The following CACNA1C variants were observed in gnomAD, a reference collection of about 807,000 sequenced individuals.
The protein encoded by CACNA1C is calcium voltage-gated channel subunit alpha1 C.
Under a neutral mutation model 229.0 loss-of-function variants are expected in CACNA1C, and 30 were observed. The ratio of observed to expected loss-of-function variants is 0.13; its 90% CI spans 0.10 to 0.18. The LOEUF (loss-of-function observed/expected upper bound fraction) is 0.18, where lower values mean the gene tolerates loss of function less well. Ranked by LOEUF, CACNA1C falls within the 10% of genes least tolerant of loss-of-function variation. The pLI, the probability that CACNA1C is intolerant of heterozygous loss-of-function variation, is 1.00. For missense variants in CACNA1C, 1,658 were observed against 2,845.0 expected (o/e 0.58, Z 9.49); for synonymous variants, 1,114 against 1,132.5 (o/e 0.98, Z 0.33).
At chr12:2,312,712 T>G (rs1163890931) in intron 3 of CACNA1C, among the ~76,000 whole-genome samples, 1 of 152,202 alleles carries the variant, frequency 6.6e-6, no homozygotes, top group African/African-American at 2.4e-5. Context: ...TCATCTGTTC[T>G]GTTTTGACTT....
intron 6 of CACNA1C, among the ~76,000 whole-genome samples, chr12:2,492,725 G>A (rs1398052768): frequency 2.6e-5 from 4 of 152,124 alleles, no homozygotes; most frequent in African/African-American, 9.7e-5. Context: ...TCTTTGCATT[G>A]GTATTGTCCT....
rs1015853986 is a variant in CACNA1C, at chr12:2,145,030, G to C, written c.477+24600G>C. Among the ~76,000 whole-genome samples the C allele has an allele frequency of 2.6e-5, 4 of 151,294 alleles. 1 individual carries two copies. The Admixed American group carries it at 2.7e-4, about 10-fold the overall frequency. The stretch of plus-strand genomic sequence containing the variant: ...GACAGGAGGGCAGCACTATATTGGA[G>C]AGATTGTTAAACTGAAAACTCAATT... On this transcript the variant is annotated intron_variant, in intron 3 of 46. Coordinates refer to ENST00000399655, the MANE Select transcript of CACNA1C (RefSeq NM_000719.7).
intron 3 of CACNA1C, among the ~76,000 whole-genome samples, chr12:2,440,632 G>A (rs1293292676): frequency 6.6e-6 from 1 of 152,218 alleles, no homozygotes; most frequent in African/African-American, 2.4e-5. Context: ...AGCAGCTCCT[G>A]TTGGGCACAG....
chr12:2,333,663 G>T (rs1453692198), intron 3 of CACNA1C, among the ~76,000 whole-genome samples: 4 of 152,192 alleles, frequency 2.6e-5, no homozygotes, highest in African/African-American at 9.7e-5. Context: ...GGGGACAGCT[G>T]CAGAGAGAGA....
chr12:2,177,953 A>G (rs115709508), intron 3 of CACNA1C, among the ~76,000 whole-genome samples: 379 of 152,194 alleles, frequency 2.5e-3, no homozygotes, highest in African/African-American at 8.4e-3. Flanking sequence ...CAGTGTTTCT[A>G]TGTAACCCTC....
chr12:2,295,672 G>A (rs1266827085), intron 3 of CACNA1C, among the ~76,000 whole-genome samples: 1 of 152,218 alleles, frequency 6.6e-6, no homozygotes, highest in African/African-American at 2.4e-5. Context: ...TCATTGCAAT[G>A]GGTTGGTCAC....
intron 3 of CACNA1C, among the ~76,000 whole-genome samples, chr12:2,338,302 A>G (rs2096761046): frequency 6.6e-6 from 1 of 152,212 alleles, no homozygotes; most frequent in South Asian, 2.1e-4. Context: ...GGACATCTGT[A>G]TAGGCATAAT....
At chr12:2,644,090 A>G (rs971450426) in intron 30 of CACNA1C, among the ~76,000 whole-genome samples, 1 of 152,186 alleles carries the variant, frequency 6.6e-6, no homozygotes, top group African/African-American at 2.4e-5. Flanking sequence ...AAATATAGCA[A>G]GGGTTCTGTA....
At chr12:2,015,770 C>T (rs1487591662) in intron 1 of CACNA1C, among the ~76,000 whole-genome samples, 1 of 152,214 alleles carries the variant, frequency 6.6e-6, no homozygotes, top group Non-Finnish European at 1.5e-5. Context: ...AGCCTCTGCA[C>T]TTCCTGGGTT....
rs952660190 is a variant in CACNA1C, at chr12:2,479,699, G to C, written c.758-6405G>C. Among the ~76,000 whole-genome samples, 13 of 152,310 alleles carry C rather than the reference G, an allele frequency of 8.5e-5. No homozygotes were observed. The highest frequency in any genetic ancestry group is 3.1e-4 in the African/African-American group (13 of 41,566). The stretch of plus-strand genomic sequence containing the variant: ...GACTCCTGCCCCAGTCTTGAAAGTG[G>C]GCTGTCGCCTTAATGCTGGCTTGAA... On this transcript the variant is annotated intron_variant, in intron 5 of 46. Transcript: ENST00000399655. This position sits in a 1 kb window ranked among gnomAD's most constrained non-coding sequence, Gnocchi z 4.3.
At chr12:2,611,129 G>C (rs1158394328) in intron 28 of CACNA1C, among the ~76,000 whole-genome samples, 1 of 147,772 alleles carries the variant, frequency 6.8e-6, no homozygotes, top group Non-Finnish European at 1.5e-5. Context: ...GAGAAGGGAG[G>C]GATGAGCTGG....
rs113417515 is a variant in CACNA1C, at chr12:2,682,673, A to G, written c.5568A>G (p.Thr1856=). The G allele has an allele frequency of 1.2e-5, 20 of 1,610,552 alleles. No individual in the cohort carries two copies. In the Middle Eastern group the frequency reaches 5.0e-4, roughly 40 times the overall value. Reference sequence around the variant, plus strand: ...GCAGTGAGCCCAGCCTGCTCTCCACAGAGATGTGAGCTCTGCTGCCCTCTG... The same window carrying G: ...GCAGTGAGCCCAGCCTGCTCTCCACGGAGATGTGAGCTCTGCTGCCCTCTG... ...EACSEPSLLS[T]EMLSYQDDEN... Residue 1856 remains threonine (T), a synonymous_variant, in exon 43 of 47, where the codon ACA becomes ACG. Transcript: ENST00000399655.
chr12:2,021,615 G>A (rs921662542), intron 1 of CACNA1C, among the ~76,000 whole-genome samples: 1 of 151,822 alleles, frequency 6.6e-6, no homozygotes, highest in Non-Finnish European at 1.5e-5. Flanking sequence ...GGGAGGTGGA[G>A]GTTGCAGTGA....
In CACNA1C at chr12:2,608,463, G is replaced by A. The variant is rs1023953421; in HGVS notation, c.3357-48G>A. 6 of 1,447,056 alleles carry A rather than the reference G, an allele frequency of 4.1e-6. No homozygotes were observed. Among genetic ancestry groups the A allele is most frequent in the Non-Finnish European group, 5.7e-6 (6 of 1,056,420 alleles). The allele number at this position is 1,447,056 out of a possible 1,614,324, so 89.6% of individuals were successfully genotyped here. A position where few individuals can be genotyped will look rare whatever the true frequency, so the allele number is the denominator to read the frequency against. ...CAGTGGTGCCGTCCTTCCGCAGAGGGGACCCTGCTTCTCCAGTTCCCTCTG... is the reference window on the plus strand; with the variant it reads ...CAGTGGTGCCGTCCTTCCGCAGAGGAGACCCTGCTTCTCCAGTTCCCTCTG... On this transcript the variant is annotated intron_variant, in intron 26 of 46. Transcript: ENST00000399655. This position sits in a 1 kb window ranked among gnomAD's most constrained non-coding sequence, Gnocchi z 4.2.
At chr12:1,983,900 T>G (rs1323873043) in intron 1 of CACNA1C, among the ~76,000 whole-genome samples, 1 of 152,074 alleles carries the variant, frequency 6.6e-6, no homozygotes, top group Non-Finnish European at 1.5e-5. Flanking sequence ...TCACACACTT[T>G]GAAGCTCTGT....
intron 3 of CACNA1C, among the ~76,000 whole-genome samples, chr12:2,204,797 G>GACT (rs1280745153): frequency 9.5e-6 from 1 of 104,718 alleles, no homozygotes; most frequent in Non-Finnish European, 2.0e-5. Flanking sequence ...CTGTGGTGGG[G>GACT]TTGGGGGAGG....
rs1248943577 is a variant in CACNA1C, at chr12:2,019,609, GAAGAAAGAAAAAGA to G, written c.139+48425_139+48438del. Among the ~76,000 whole-genome samples the G allele has an allele frequency of 9.4e-5, 9 of 95,504 alleles. No homozygotes were observed. In the South Asian group the frequency reaches 1.3e-3, roughly 14 times the overall value. The allele number at this position is 95,504 out of a possible 152,430, so 62.7% of individuals were successfully genotyped here. A position where few individuals can be genotyped will look rare whatever the true frequency, so the allele number is the denominator to read the frequency against. On this transcript the variant is annotated intron_variant, in intron 1 of 46. Transcript: ENST00000682462. ...AGAGAAAGAAAGAGAAGGAAAGAAA[GAAGAAAGAAAAAGA>G]AAGAAAGAAAAAGAAAATCTAGATG... is the stretch of plus-strand genomic sequence containing the variant.
intron 1 of CACNA1C, among the ~76,000 whole-genome samples, chr12:2,066,382 T>C (rs923341151): frequency 1.3e-5 from 2 of 151,966 alleles, no homozygotes; most frequent in African/African-American, 2.4e-5. Flanking sequence ...GAGGAGACAA[T>C]GACAGAGTAG....
chr12:2,352,247 C>T (rs1454571433), intron 3 of CACNA1C, among the ~76,000 whole-genome samples: 1 of 152,198 alleles, frequency 6.6e-6, no homozygotes, highest in Admixed American at 6.5e-5. Context: ...CTCCCACTCT[C>T]CTGCTCATTT....
Sources: allele counts gnomAD v4.1 joint callset (sites outside exome capture counted in the v4.1 genomes callset), GRCh38; gene constraint gnomAD v4.1.1; non-coding constraint Gnocchi (gnomAD v3.1); transcripts MANE v1.5; gene names NCBI Gene and HGNC (gene_info 2026-07-23, HGNC 2026-07-21).